Variants in FGF3 observed in about 807,000 individuals in gnomAD.
The protein encoded by FGF3 is fibroblast growth factor 3.
FGF3 carries 7 observed loss-of-function variants against 9.8 expected under a neutral mutation model. That is an observed-to-expected ratio of 0.72 (90% CI 0.41 to 1.35). The LOEUF is 1.35. Among genes scored for constraint, FGF3 ranks in the 40% most tolerant of loss-of-function variants. The probability of loss-of-function intolerance (pLI) is 0.01; values close to 1 mark genes in which losing one functional copy is unlikely to be tolerated. For synonymous variants in FGF3, 173 were observed against 157.2 expected (o/e 1.10, Z -0.75); for missense variants, 390 against 345.6 (o/e 1.13, Z -1.02).
chr11:69,813,900 A>ATGGG (rs1310234990), intron 2 of FGF3, among the ~76,000 whole-genome samples: 1 of 146,904 alleles, frequency 6.8e-6, no homozygotes, highest in African/African-American at 2.5e-5. Context: ...GGATGGCTGG[A>ATGGG]TGGATGGGTG....
intron 1 of FGF3, 146 bp downstream of exon 1, chr11:69,818,568 G>C (rs1464737426): frequency 1.9e-6 from 1 of 526,986 alleles, no homozygotes; most frequent in Non-Finnish European, 3.1e-6. Flanking sequence ...GTCTTTTCCC[G>C]GACACCCCGG....
intron 1 of FGF3, 69 bp downstream of exon 1, chr11:69,818,645 G>A: frequency 8.3e-7 from 1 of 1,203,798 alleles, no homozygotes; most frequent in Non-Finnish European, 1.1e-6. Flanking sequence ...GCCCCGCAGC[G>A]CGCCTTCTCC....
At chr11:69,818,018 G>T (rs1856168805) in intron 1 of FGF3, among the ~76,000 whole-genome samples, 1 of 152,188 alleles carries the variant, frequency 6.6e-6, no homozygotes, top group Non-Finnish European at 1.5e-5. Context: ...CGCACGTCCC[G>T]ACGGCGAGGG....
In FGF3 at chr11:69,810,716, A is replaced by G. The variant is rs1554980389; in HGVS notation, c.325-16T>C. ...TGTAGTGCTCCTGCGGGGATGAGAT[A>G]TCATGGTCAGTGCCCCGGGGAGACT... On this transcript the variant is annotated splice_polypyrimidine_tract_variant and intron_variant, in intron 2 of 2. Coordinates refer to ENST00000334134, the MANE Select transcript of FGF3 (RefSeq NM_005247.4). 3.2e-6 allele frequency: 5 copies of G among 1,562,078 alleles called. No individual in the cohort carries two copies. The highest frequency in any genetic ancestry group is 4.3e-6 in the Non-Finnish European group (5 of 1,150,622).
Position 69,816,347 on chromosome 11 carries a change from C to A in FGF3, c.297G>T (p.Met99Ile). Reference protein sequence around the residue: ...RGLFSGRYLAMNKRGRLYASE... With the variant: ...RGLFSGRYLAINKRGRLYASE... The stretch of plus-strand genomic sequence containing the variant: ...AAGCATAGAGTCGTCCCCTCTTGTT[C>A]ATGGCCAGGTACCGCCCGGAGAAGA... The change falls in exon 2 of 3, where the codon ATG becomes ATT. Residue 99 changes from methionine (M) to isoleucine (I), a missense_variant. By Grantham distance (10) the Met-to-Ile change is conservative. Coordinates refer to ENST00000334134, the MANE Select transcript of FGF3 (RefSeq NM_005247.4). The A allele has an allele frequency of 6.2e-7, 1 of 1,614,090 alleles. No homozygotes were observed. Among genetic ancestry groups the A allele is most frequent in the Non-Finnish European group, 8.5e-7 (1 of 1,179,944 alleles).
rs370529528 is a variant in FGF3 at position 69,809,977 on chromosome 11, A to G, written c.*328T>C. 25 of 324,214 alleles carry G rather than the reference A, an allele frequency of 7.7e-5. No individual in the cohort carries two copies. The highest frequency in any genetic ancestry group is 4.8e-4 in the African/African-American group (23 of 47,828). 20.1% of individuals were successfully genotyped at this position (324,214 alleles called of 1,614,324 possible). ...CTACCAAACGACAGAGTAGAATAAA[A>G]TACTTTAATGTTGTGATGACACAAA... On this transcript the variant is annotated 3_prime_UTR_variant, in exon 3 of 3. Transcript: ENST00000334134.
intron 2 of FGF3, among the ~76,000 whole-genome samples, chr11:69,811,428 C>A (rs1436980330): frequency 1.6e-5 from 2 of 123,134 alleles, no homozygotes; most frequent in African/African-American, 6.5e-5. Flanking sequence ...CCAGTCTGGG[C>A]GACAAGAGCA....
chr11:69,811,450 C>CAAAAAAAAAAAAAAAA (rs33951596), intron 2 of FGF3, among the ~76,000 whole-genome samples: 3 of 97,360 alleles, frequency 3.1e-5, no homozygotes, highest in Non-Finnish European at 4.2e-5. Flanking sequence ...AACTCTGACT[C>CAAAAAAAAAAAAAAAA]AAAAAAAAAA....
chr11:69,818,222 C>T (rs1398514708), intron 1 of FGF3, among the ~76,000 whole-genome samples: 2 of 152,154 alleles, frequency 1.3e-5, no homozygotes, highest in Non-Finnish European at 2.9e-5. Context: ...GACGGCGGGG[C>T]GTCCAGGGGT....
rs782556280 is a variant in FGF3, at chr11:69,810,424, G to A, written c.601C>T (p.Pro201Ser). ...VRQLQSGLPR[P>S]PGKGVQPRRR... The stretch of plus-strand genomic sequence containing the variant: ...CGGGGCTGGACCCCCTTACCAGGGG[G>A]TCTGGGCAGCCCACTCTGTAGCTGC... The change falls in exon 3 of 3, where the codon CCC becomes TCC. Residue 201 changes from proline to serine, a missense_variant. Physicochemically the swap from Pro to Ser is moderately conservative, Grantham distance 74 (BLOSUM62 -1). Transcript: ENST00000334134. 2 of 1,583,104 alleles carry A rather than the reference G, an allele frequency of 1.3e-6. No homozygotes were observed. The highest frequency in any genetic ancestry group is 2.3e-5 in the South Asian group (2 of 88,046).
At chr11:69,812,524 G>A (rs561868442) in intron 2 of FGF3, among the ~76,000 whole-genome samples, 56 of 152,212 alleles carry the variant, frequency 3.7e-4, no homozygotes, top group African/African-American at 1.3e-3. Context: ...TTTATAGATG[G>A]GGAAACTGAG....
In FGF3 at chr11:69,813,320, C is replaced by T. The variant is rs554722735; in HGVS notation, c.325-2620G>A. Among the ~76,000 whole-genome samples the T allele has an allele frequency of 5.7e-4, 87 of 152,320 alleles. 1 individual carries two copies. The highest frequency in any genetic ancestry group is 1.9e-3 in the African/African-American group (79 of 41,574). ...TTCCGGAAGCCGGAGGAGGCTCAAC[C>T]TCTGGATGACAGCCCCCCTGGGAGC... On this transcript the variant is annotated intron_variant, in intron 2 of 2. Transcript: ENST00000334134.
intron 2 of FGF3, among the ~76,000 whole-genome samples, chr11:69,815,453 G>A (rs534007234): frequency 6.6e-5 from 10 of 152,288 alleles, no homozygotes; most frequent in South Asian, 4.1e-4. Context: ...TTAGCAAAAC[G>A]GCTAAAAATC....
chr11:69,818,832 G>A lies in FGF3; in HGVS notation c.102C>T (p.Gly34=). 1.4e-6 allele frequency: 2 copies of A among 1,478,400 alleles called. No homozygotes were observed. Among genetic ancestry groups the A allele is most frequent in the Non-Finnish European group, 1.8e-6 (2 of 1,121,190 alleles). The allele number at this position is 1,478,400 out of a possible 1,614,324, so 91.6% of individuals were successfully genotyped here. A position where few individuals can be genotyped will look rare whatever the true frequency, so the allele number is the denominator to read the frequency against. ...RLRRDAGGRG[G]VYEHLGGAPR... ...GCGCCCCGCCAAGGTGCTCGTAGAC[G>A]CCGCCACGGCCGCCCGCATCGCGCC... Residue 34 remains glycine (G), a synonymous_variant, in exon 1 of 3, where the codon GGC becomes GGT. Transcript: ENST00000334134.
At chr11:69,814,752 T>C (rs1554980907) in intron 2 of FGF3, among the ~76,000 whole-genome samples, 1 of 152,144 alleles carries the variant, frequency 6.6e-6, no homozygotes, top group African/African-American at 2.4e-5. Context: ...TTCCACACCC[T>C]CCAGCCAGAC....
intron 1 of FGF3, among the ~76,000 whole-genome samples, chr11:69,818,169 G>T (rs976621788): frequency 7.5e-4 from 115 of 152,330 alleles, no homozygotes; most frequent in African/African-American, 2.7e-3. Flanking sequence ...AGGCAGCAGC[G>T]GGGGCGGCCA....
In FGF3 at chr11:69,819,360, C is replaced by G. The variant is rs1396567799; in HGVS notation, c.-427G>C. Among the ~76,000 whole-genome samples the G allele has an allele frequency of 6.6e-6, 1 of 151,660 alleles. No individual in the cohort carries two copies. The highest frequency in any genetic ancestry group is 2.4e-5 in the African/African-American group (1 of 41,356). On this transcript the variant is annotated 5_prime_UTR_variant, in exon 1 of 3. Coordinates refer to ENST00000334134, the MANE Select transcript of FGF3 (RefSeq NM_005247.4). ...ACACTCGCCGCCAGCGCACCGCCGT[C>G]GAGCCGCGGCTCCGCTCCGCAGCGC...
intron 2 of FGF3, among the ~76,000 whole-genome samples, chr11:69,813,746 GGATGGATGGA>G (rs1565114955): frequency 3.1e-4 from 45 of 143,890 alleles, no homozygotes; most frequent in African/African-American, 1.1e-3. Context: ...GTGGATGGCT[GGATGGATGGA>G]TGGGTGGATG....
At chr11:69,816,463 C>A (rs879953311) in intron 1 of FGF3, 40 bp from the exon 2 acceptor site, 4 of 1,539,162 alleles carry the variant, frequency 2.6e-6, no homozygotes, top group South Asian at 2.2e-5. Flanking sequence ...GCCGCCCCCA[C>A]GGAGGGGGCG....
Sources: gnomAD v4.1 joint callset for allele counts (sites outside exome capture counted in the v4.1 genomes callset) on GRCh38, gnomAD v4.1.1 for gene constraint, MANE v1.5 for transcripts, NCBI Gene and HGNC (gene_info 2026-07-23, HGNC 2026-07-21) for gene names.